PTBP3: variants seen among roughly 807,000 people sequenced by gnomAD.
The protein encoded by PTBP3 is polypyrimidine tract binding protein 3, also known as polypyrimidine tract-binding protein 3.
In PTBP3, 20 loss-of-function variants were observed where a neutral mutation model predicts 58.7. That is an observed-to-expected ratio of 0.34 (90% CI 0.24 to 0.50). The LOEUF (loss-of-function observed/expected upper bound fraction) is 0.50. Ranked by LOEUF, PTBP3 falls within the 20% of genes least tolerant of loss-of-function variation. PTBP3 has a pLI of 0.98. For missense variants in PTBP3, 509 were observed against 637.2 expected (o/e 0.80, Z 2.17); for synonymous variants, 185 against 219.8 (o/e 0.84, Z 1.40).
At chr9:112,293,846 A>G (rs1828552715) in intron 2 of PTBP3, among the ~76,000 whole-genome samples, 1 of 152,188 alleles carries the variant, frequency 6.6e-6, no homozygotes, top group Non-Finnish European at 1.5e-5. Context: ...AAGAACAACA[A>G]AAGAGAAAAA....
intron 3 of PTBP3, among the ~76,000 whole-genome samples, chr9:112,272,082 T>TTTTATTTA (rs954116494): frequency 3.9e-5 from 6 of 152,210 alleles, no homozygotes; most frequent in Admixed American, 3.9e-4. Flanking sequence ...ATTTTTTATT[T>TTTTATTTA]TTTTTTTGAG....
chr9:112,339,604 C>T, the PTBP3 span, among the ~76,000 whole-genome samples: 1 of 151,288 alleles, frequency 6.6e-6, no homozygotes, highest in African/African-American at 2.4e-5. Context: ...CACTCTGTCA[C>T]CCAGGTTGCT....
At chr9:112,342,729 A>AAAGAAGAAGAAGAAG in the PTBP3 span, among the ~76,000 whole-genome samples, 1,064 of 150,944 alleles carry the variant, frequency 7.0e-3, 8 homozygotes, top group African/African-American at 0.021. Context: ...AAAGAAAAAC[A>AAAGAAGAAGAAGAAG]AAGAAGAAGA....
intron 1 of PTBP3, chr9:112,332,885 G>GT (rs776614248): frequency 1.9e-6 from 3 of 1,606,350 alleles, no homozygotes; most frequent in East Asian, 2.2e-5. Context: ...AAGCGTTAAC[G>GT]TATCTCACAG....
intron 1 of PTBP3, chr9:112,332,737 C>A (rs1254828005): frequency 6.2e-7 from 1 of 1,605,404 alleles, no homozygotes; most frequent in Admixed American, 1.7e-5. Context: ...AATTTTTGAG[C>A]ATTTGAAATG....
rs574444977 is a variant in PTBP3, at chr9:112,259,168, G to T, written c.516+3267C>A. The stretch of plus-strand genomic sequence containing the variant: ...GGGTTTTGCCATGTTGCCCAGGCTG[G>T]TCTTGAACACCTGAGCTCAGATGAT... On this transcript the variant is annotated intron_variant, in intron 5 of 13. Transcript: ENST00000374257. Among the ~76,000 whole-genome samples, 9 of 152,186 alleles carry T rather than the reference G, an allele frequency of 5.9e-5. 1 individual carries two copies. In the South Asian group the frequency reaches 1.5e-3, roughly 25 times the overall value.
chr9:112,329,069 T>A (rs566438251), intron 1 of PTBP3, among the ~76,000 whole-genome samples: 29 of 152,292 alleles, frequency 1.9e-4, no homozygotes, highest in African/African-American at 6.3e-4. Flanking sequence ...ACCCAGATAT[T>A]TTAAGTCTCA....
chr9:112,307,672 T>A (rs1000956170), intron 1 of PTBP3, among the ~76,000 whole-genome samples: 1 of 152,216 alleles, frequency 6.6e-6, no homozygotes, highest in Non-Finnish European at 1.5e-5. Flanking sequence ...ATAATTCTGA[T>A]AACCACAATT....
chr9:112,348,821 AC>A, the PTBP3 span, among the ~76,000 whole-genome samples: 8 of 150,256 alleles, frequency 5.3e-5, no homozygotes, highest in South Asian at 2.1e-4. Flanking sequence ...TAACAATACC[AC>A]CCCCCCTCCC....
chr9:112,362,131 G>T, the PTBP3 span, among the ~76,000 whole-genome samples: 1 of 152,118 alleles, frequency 6.6e-6, no homozygotes, highest in African/African-American at 2.4e-5. Flanking sequence ...TTGAGTTCAG[G>T]AGTTTGAGAC....
intron 3 of PTBP3, among the ~76,000 whole-genome samples, chr9:112,272,076 T>A (rs7851495): frequency 0.55 from 82,031 of 149,156 alleles, 23,804 homozygotes; most frequent in African/African-American, 0.79. Flanking sequence ...CTTTTTATTT[T>A]TTATTTTTTT....
intron 5 of PTBP3, among the ~76,000 whole-genome samples, chr9:112,253,465 G>A (rs1342855789): frequency 3.9e-5 from 6 of 152,070 alleles, no homozygotes; most frequent in Admixed American, 2.0e-4. Context: ...CTCACAATAC[G>A]TGTGCTACCT....
intron 3 of PTBP3, chr9:112,272,619 A>T (rs7041688): frequency 0.54 from 81,323 of 151,770 alleles, 22,890 homozygotes; most frequent in African/African-American, 0.72. Flanking sequence ...CCTGGGCTGA[A>T]ATGCAGTGCC....
chr9:112,304,598 G>A (rs1383213116), intron 1 of PTBP3, among the ~76,000 whole-genome samples: 1 of 152,078 alleles, frequency 6.6e-6, no homozygotes, highest in Admixed American at 6.6e-5. Flanking sequence ...ACAGAGTCTC[G>A]TTCTGTCACT....
At chr9:112,328,947 A>C (rs1564468404) in intron 1 of PTBP3, among the ~76,000 whole-genome samples, 1 of 152,226 alleles carries the variant, frequency 6.6e-6, no homozygotes, top group Admixed American at 6.5e-5. Context: ...GACACATATA[A>C]ACAAAGATGA....
At chr9:112,334,072 C>G (rs1254930169), upstream of PTBP3, among the ~76,000 whole-genome samples, 2 of 151,808 alleles carry the variant, frequency 1.3e-5, no homozygotes, top group African/African-American at 2.4e-5. Context: ...CCACAAGGAC[C>G]CCAGAAACGA....
Position 112,220,208 on chromosome 9 carries a change from A to G in PTBP3, c.*3643T>C. The G allele has an allele frequency of 5.2e-6, 7 of 1,347,034 alleles. No homozygotes were observed. The highest frequency in any genetic ancestry group is 6.9e-6 in the Non-Finnish European group (7 of 1,019,606). 83.4% of individuals were successfully genotyped at this position (1,347,034 alleles called of 1,614,324 possible). ...TCCAAAAATATCTCGTGGGAACAGA[A>G]GAGAAACTGCATGACAATATGCTAA... On this transcript the variant is annotated 3_prime_UTR_variant, in exon 14 of 14. Transcript: ENST00000374257.
chr9:112,295,142 G>A (rs1451602055), intron 2 of PTBP3, among the ~76,000 whole-genome samples: 1 of 151,874 alleles, frequency 6.6e-6, no homozygotes, highest in Admixed American at 6.6e-5. Flanking sequence ...CAGAGGCCGA[G>A]GCAGGAGAAT....
chr9:112,240,659 T>TC (rs397792025), intron 7 of PTBP3, among the ~76,000 whole-genome samples: 5 of 150,488 alleles, frequency 3.3e-5, no homozygotes, highest in African/African-American at 1.2e-4. Context: ...TTTTTTTTTT[T>TC]CTTAAAACTT....
Sources: gnomAD v4.1 joint callset for allele counts (sites outside exome capture counted in the v4.1 genomes callset) on GRCh38, gnomAD v4.1.1 for gene constraint, MANE v1.5 for transcripts, NCBI Gene and HGNC (gene_info 2026-07-23, HGNC 2026-07-21) for gene names.